The following ADCY3 variants were observed in gnomAD, a reference collection of about 807,000 sequenced individuals.
ADCY3 encodes the protein adenylate cyclase 3.
In ADCY3, 70 loss-of-function variants were observed where a neutral mutation model predicts 119.4. That is an observed-to-expected ratio of 0.59 (90% confidence interval 0.48 to 0.72). ADCY3 has a LOEUF of 0.72. ADCY3 is among the 30% of genes least tolerant of loss of function. The probability of loss-of-function intolerance (pLI) is 0.00; values close to 1 mark genes in which losing one functional copy is unlikely to be tolerated. For missense variants in ADCY3, 1,238 were observed against 1,541.6 expected (o/e 0.80, Z 3.30); for synonymous variants, 672 against 621.4 (o/e 1.08, Z -1.21).
rs1287549026 is a variant in ADCY3 at position 24,826,071 on chromosome 2, G to C, written c.2551C>G (p.Leu851Val). The change falls in exon 16 of 22, where the codon CTC becomes GTC. Residue 851 changes from leucine (L) to valine (V), a missense_variant. By Grantham distance (32) the Leu-to-Val change is conservative (BLOSUM62 1). Transcript: ENST00000679454. Reference protein sequence around the residue: ...SMTVMVFLMMLSFYYFSRHVE... With the variant: ...SMTVMVFLMMVSFYYFSRHVE... ...TGGCGGGAGAAGTAGTAGAAGCTGA[G>C]CATCATGAGGAACACCATCACCGTC... The C allele has an allele frequency of 2.5e-6, 4 of 1,614,032 alleles. No individual in the cohort carries two copies. The Admixed American group carries it at 6.7e-5, about 27-fold the overall frequency.
intron 3 of ADCY3, among the ~76,000 whole-genome samples, chr2:24,862,011 C>T (rs1673721494): frequency 6.6e-6 from 1 of 152,244 alleles, no homozygotes; most frequent in South Asian, 2.1e-4. Flanking sequence ...AGTACCAACA[C>T]CACACAGAGA....
chr2:24,860,037 G>C (rs1673449113), intron 3 of ADCY3, among the ~76,000 whole-genome samples: 1 of 152,208 alleles, frequency 6.6e-6, no homozygotes, highest in Admixed American at 6.5e-5. Flanking sequence ...TAACCACACA[G>C]GACGCGTGTG....
At chr2:24,846,449 C>T (rs922095508) in intron 3 of ADCY3, among the ~76,000 whole-genome samples, 9 of 152,190 alleles carry the variant, frequency 5.9e-5, no homozygotes, top group African/African-American at 1.9e-4. Context: ...TCCAAAGAAG[C>T]CCTGCTAGAT....
intron 2 of ADCY3, among the ~76,000 whole-genome samples, chr2:24,905,798 C>T (rs1042628527): frequency 2.0e-4 from 30 of 152,214 alleles, no homozygotes; most frequent in African/African-American, 7.2e-4. Context: ...ATTATTATCA[C>T]ACCCATTTTG....
In ADCY3 at chr2:24,842,893, G is replaced by A. The variant is rs563430133; in HGVS notation, c.826-509C>T. ...CACCTCAGAGAGCGGAGGGTCTCAC[G>A]GGGACACAGGTAACCATGCCCAGCA... On this transcript the variant is annotated intron_variant, in intron 3 of 21. Coordinates refer to ENST00000679454, the MANE Select transcript of ADCY3 (RefSeq NM_004036.5). This position sits in a 1 kb window ranked among gnomAD's most constrained non-coding sequence, Gnocchi z 4.9. Among the ~76,000 whole-genome samples, 140 of 152,300 alleles carry A rather than the reference G, an allele frequency of 9.2e-4. No homozygotes were observed. The highest frequency in any genetic ancestry group is 1.5e-3 in the Non-Finnish European group (104 of 68,028).
chr2:24,831,821 AGGGACG>A (rs1232868696), intron 11 of ADCY3, 72 bp from the exon 12 acceptor site: 4 of 258,766 alleles, frequency 1.5e-5, no homozygotes, highest in South Asian at 1.1e-4. Context: ...TAGGAGAGGA[AGGGACG>A]GGGATGGGGG....
intron 2 of ADCY3, among the ~76,000 whole-genome samples, chr2:24,877,297 C>A (rs1421825959): frequency 1.3e-5 from 2 of 152,222 alleles, no homozygotes; most frequent in Non-Finnish European, 2.9e-5. Flanking sequence ...CACCCCTCCC[C>A]CCTTCAGCCT....
At chr2:24,882,286 T>A (rs1465437384) in intron 2 of ADCY3, among the ~76,000 whole-genome samples, 1 of 152,120 alleles carries the variant, frequency 6.6e-6, no homozygotes, top group African/African-American at 2.4e-5. Context: ...ACAGCTCAAA[T>A]GTAGCATCTT....
chr2:24,830,590 C>T, intron 13 of ADCY3, 119 bp downstream of exon 13: 1 of 727,152 alleles, frequency 1.4e-6, no homozygotes, highest in Non-Finnish European at 2.3e-6. Context: ...ACCTAAGAGC[C>T]ACTCCAAAGC....
chr2:24,831,568 T>C (rs995954153), intron 12 of ADCY3, 94 bp downstream of exon 12: 5 of 994,986 alleles, frequency 5.0e-6, no homozygotes, highest in East Asian at 5.2e-5. Flanking sequence ...CCTGTCAGAT[T>C]TGACAGAAAG....
At position 24,823,243 on chromosome 2, in the gene ADCY3, C is replaced by T. The variant is rs746758858; in HGVS notation, c.2849G>A (p.Arg950His). ...SINNGGIECLRFLNEIISDFD... is the reference protein window; with the variant it reads ...SINNGGIECLHFLNEIISDFD... Reference sequence around the variant, plus strand: ...ATCTGAGATGATTTCATTGAGGAAACGCAGACACTCAATACCACCATTGTT... The same window carrying T: ...ATCTGAGATGATTTCATTGAGGAAATGCAGACACTCAATACCACCATTGTT... Residue 950 changes from arginine (R) to histidine (H), a missense_variant, in exon 18 of 22, where the codon CGT becomes CAT. Physicochemically the swap from Arg to His is conservative, Grantham distance 29 (BLOSUM62 0). This residue lies in a region of ADCY3 where 37 missense variants were observed against 73.5 expected (regional missense o/e 0.50). Coordinates refer to ENST00000679454, the MANE Select transcript of ADCY3 (RefSeq NM_004036.5). The T allele has an allele frequency of 6.8e-6, 11 of 1,613,134 alleles. No homozygotes were observed. The highest frequency in any genetic ancestry group is 1.3e-5 in the African/African-American group (1 of 74,856).
In ADCY3 at chr2:24,820,698, CGTGCCAGCT is replaced by C. The variant is rs755260370; in HGVS notation, c.3252+17_3252+25del. On this transcript the variant is annotated intron_variant, in intron 21 of 21. Coordinates refer to ENST00000679454, the MANE Select transcript of ADCY3 (RefSeq NM_004036.5). ...TTTGTTCTCATGCCGAGTCTGAGCACGTGCCAGCTGTGCCACTGGACATACCTGAATGTT... is the reference window on the plus strand; with the variant it reads ...TTTGTTCTCATGCCGAGTCTGAGCACGTGCCACTGGACATACCTGAATGTT... 6.2e-7 allele frequency: 1 copy of C among 1,613,418 alleles called. No homozygotes were observed.
intron 3 of ADCY3, among the ~76,000 whole-genome samples, chr2:24,849,408 C>T (rs1393119445): frequency 6.6e-6 from 1 of 152,206 alleles, no homozygotes; most frequent in Non-Finnish European, 1.5e-5. Flanking sequence ...GAGCCCAAAA[C>T]AGGAGCCTCG....
At chr2:24,848,529 A>G (rs1671919969) in intron 3 of ADCY3, among the ~76,000 whole-genome samples, 1 of 152,094 alleles carries the variant, frequency 6.6e-6, no homozygotes, top group South Asian at 2.1e-4. Context: ...TAATTTCTCT[A>G]GCACCACTGG....
Position 24,856,781 on chromosome 2 carries a change from A to T in ADCY3, c.826-14397T>A, listed in dbSNP as rs1322952506. On this transcript the variant is annotated intron_variant, in intron 3 of 21. Coordinates refer to ENST00000679454, the MANE Select transcript of ADCY3 (RefSeq NM_004036.5). Reference sequence around the variant, plus strand: ...GCATGTCCCTGAGCTAAATGCTGGGAAGGTCAAAGGTAAACAGTACTCCAA... The same window carrying T: ...GCATGTCCCTGAGCTAAATGCTGGGTAGGTCAAAGGTAAACAGTACTCCAA... Among the ~76,000 whole-genome samples, 5 of 152,164 alleles carry T rather than the reference A, an allele frequency of 3.3e-5. No homozygotes were observed. In the South Asian group the frequency reaches 8.3e-4, roughly 25 times the overall value.
chr2:24,880,614 T>TA (rs1239550944), intron 2 of ADCY3, among the ~76,000 whole-genome samples: 1 of 152,236 alleles, frequency 6.6e-6, no homozygotes, highest in Non-Finnish European at 1.5e-5. Flanking sequence ...ATAAAAGTGG[T>TA]AGAAAGTGAC....
At chr2:24,823,146 G>A (rs1668038535) in intron 18 of ADCY3, 63 bp downstream of exon 18, 1 of 1,561,264 alleles carries the variant, frequency 6.4e-7, no homozygotes, top group African/African-American at 1.4e-5. Flanking sequence ...GCAGCCTATT[G>A]TAGGATGTGA....
intron 3 of ADCY3, among the ~76,000 whole-genome samples, chr2:24,861,229 C>T (rs952126838): frequency 5.6e-5 from 7 of 125,736 alleles, no homozygotes; most frequent in South Asian, 2.5e-4. Flanking sequence ...CCAGCCTGGG[C>T]GAAAGAGTGA....
At chr2:24,821,710 TGGCA>T in intron 19 of ADCY3, 70 bp from the exon 20 acceptor site, 1 of 1,578,034 alleles carries the variant, frequency 6.3e-7, no homozygotes, top group Non-Finnish European at 8.6e-7. Context: ...CTGCCTTCCC[TGGCA>T]GTGTTCTGGG....
Sources: gnomAD v4.1 joint callset for allele counts (sites outside exome capture counted in the v4.1 genomes callset) on GRCh38, gnomAD v4.1.1 for gene constraint, gnomAD v4.1.1 regional missense constraint, Gnocchi (gnomAD v3.1) non-coding constraint, MANE v1.5 for transcripts, NCBI Gene and HGNC (gene_info 2026-07-23, HGNC 2026-07-21) for gene names.